PLS1: variants seen among roughly 807,000 people sequenced by gnomAD.
PLS1 encodes plastin-1.
Under a neutral mutation model 73.7 loss-of-function variants are expected in PLS1, and 32 were observed. The observed-to-expected ratio is 0.43, with a 90% CI of 0.33 to 0.58. The LOEUF is 0.58. Ranked by LOEUF, PLS1 falls within the 20% of genes least tolerant of loss-of-function variation. PLS1 has a pLI of 0.04. For missense variants in PLS1, 633 were observed against 740.5 expected (o/e 0.85, Z 1.68); for synonymous variants, 217 against 261.3 (o/e 0.83, Z 1.63).
chr3:142,598,697 C>A (rs553314062), intron 1 of PLS1, among the ~76,000 whole-genome samples: 18 of 152,138 alleles, frequency 1.2e-4, no homozygotes, highest in Non-Finnish European at 2.2e-4. Flanking sequence ...TTCTTTTTAT[C>A]TTAAAAGTAC....
chr3:142,633,918 G>A (rs1456110803), intron 1 of PLS1, among the ~76,000 whole-genome samples: 1 of 152,102 alleles, frequency 6.6e-6, no homozygotes, highest in Non-Finnish European at 1.5e-5. Flanking sequence ...TCAGACAATG[G>A]CATTAAAATG....
rs149288747 is a variant in PLS1, at chr3:142,607,675, T to C, written c.-37+11166T>C. Among the ~76,000 whole-genome samples, 940 of 152,374 alleles carry C rather than the reference T, an allele frequency of 6.2e-3. 4 individuals are homozygous for C. Among genetic ancestry groups the C allele is most frequent in the Non-Finnish European group, 9.4e-3 (639 of 68,040 alleles). On this transcript the variant is annotated intron_variant, in intron 1 of 15. Transcript: ENST00000457734. ...AACTAAAGTCCTTAGCTTATTCATA[T>C]TTCCTTTGTTTTTAGCCAAAATCCC... is the stretch of plus-strand genomic sequence containing the variant.
At chr3:142,615,876 G>A (rs1577777626) in intron 1 of PLS1, among the ~76,000 whole-genome samples, 1 of 152,302 alleles carries the variant, frequency 6.6e-6, no homozygotes, top group South Asian at 2.1e-4. Context: ...CAGACAAGCA[G>A]CATTAGCATT....
intron 6 of PLS1, among the ~76,000 whole-genome samples, chr3:142,680,881 C>G (rs904768416): frequency 6.6e-6 from 1 of 152,186 alleles, no homozygotes; most frequent in Non-Finnish European, 1.5e-5. Context: ...AGCGCCAGAG[C>G]TCATTTCTTA....
At chr3:142,627,927 GGC>G (rs2036465774) in intron 1 of PLS1, 1 of 151,812 alleles carries the variant, frequency 6.6e-6, no homozygotes, top group Admixed American at 6.6e-5. Context: ...CACCATGCTG[GGC>G]CAATCATATT....
intron 1 of PLS1, among the ~76,000 whole-genome samples, chr3:142,646,504 A>G (rs2036955887): frequency 6.6e-6 from 1 of 152,242 alleles, no homozygotes; most frequent in African/African-American, 2.4e-5. Context: ...TGAGTATAGG[A>G]AAAAGTTTCT....
rs1297559056 is a variant in PLS1 at position 142,713,039 on chromosome 3, G to T, written c.*1032G>T. ...AGAAGCCCTATATAATTTAGAATAT[G>T]CCCACTGAATATCTTTAATAGAAAG... On this transcript the variant is annotated 3_prime_UTR_variant, in exon 16 of 16. Transcript: ENST00000457734. The T allele has an allele frequency of 6.6e-6, 1 of 152,464 alleles. No individual in the cohort carries two copies. Among genetic ancestry groups the T allele is most frequent in the Non-Finnish European group, 1.5e-5 (1 of 67,988 alleles). The allele number at this position is 152,464 out of a possible 1,614,324, so 9.4% of individuals were successfully genotyped here. A position where few individuals can be genotyped will look rare whatever the true frequency, so the allele number is the denominator to read the frequency against.
intron 6 of PLS1, among the ~76,000 whole-genome samples, chr3:142,682,118 C>T (rs1193349621): frequency 2.0e-5 from 3 of 152,062 alleles, no homozygotes; most frequent in African/African-American, 7.2e-5. Flanking sequence ...TGGTTTAGGG[C>T]AGGTCTTTCA....
chr3:142,637,787 G>T (rs2036726180), intron 1 of PLS1, among the ~76,000 whole-genome samples: 1 of 152,060 alleles, frequency 6.6e-6, no homozygotes, highest in Non-Finnish European at 1.5e-5. Flanking sequence ...GAAAGTTAAA[G>T]GTTATCCCAG....
intron 1 of PLS1, among the ~76,000 whole-genome samples, chr3:142,642,244 AT>A (rs1218227914): frequency 6.6e-6 from 1 of 151,896 alleles, no homozygotes. Context: ...TATATGGTGA[AT>A]TTTTTTCCAT....
rs571824384 is a variant in PLS1 at position 142,641,279 on chromosome 3, ATATC to A, written c.-36-22919_-36-22916del. Among the ~76,000 whole-genome samples the A allele has an allele frequency of 2.9e-4, 43 of 146,000 alleles. No individual in the cohort carries two copies. In the South Asian group the frequency reaches 8.4e-3, roughly 29 times the overall value. On this transcript the variant is annotated intron_variant, in intron 1 of 15. Coordinates refer to ENST00000457734, the MANE Select transcript of PLS1 (RefSeq NM_001145319.2). ...TCTATATATTATATGTATTATCTAT[ATATC>A]TATATTATATATAGATAAATAATAT...
At position 142,704,635 on chromosome 3, in the gene PLS1, ATTTTTTTTTTTTTTTTTTT is replaced by A. The variant is rs10631186; in HGVS notation, c.1629+61_1629+79del. 40 of 261,988 alleles carry A rather than the reference ATTTTTTTTTTTTTTTTTTT, an allele frequency of 1.5e-4. 1 individual carries two copies. Among genetic ancestry groups the A allele is most frequent in the South Asian group, 3.7e-4 (9 of 24,632 alleles). 16.2% of individuals were successfully genotyped at this position (261,988 alleles called of 1,614,324 possible). On this transcript the variant is annotated intron_variant, in intron 14 of 15. Coordinates refer to ENST00000457734, the MANE Select transcript of PLS1 (RefSeq NM_001145319.2). ...TTTTTTTTTGTAGGTATAGGAAGGAATTTTTTTTTTTTTTTTTTTTTTTTTTTTTTGGAGATGGAGTCTC... is the reference window on the plus strand; with the variant it reads ...TTTTTTTTTGTAGGTATAGGAAGGAATTTTTTTTTTTGGAGATGGAGTCTC...
intron 1 of PLS1, among the ~76,000 whole-genome samples, chr3:142,638,021 T>C (rs968254061): frequency 3.3e-5 from 5 of 152,148 alleles, no homozygotes; most frequent in African/African-American, 1.2e-4. Flanking sequence ...GTGTGTGAGA[T>C]GTGAGTGTAG....
At chr3:142,695,488 C>T (rs751402636) in intron 11 of PLS1, among the ~76,000 whole-genome samples, 1 of 152,082 alleles carries the variant, frequency 6.6e-6, no homozygotes, top group Non-Finnish European at 1.5e-5. Context: ...AGGAGATATA[C>T]GTCAATTAGA....
chr3:142,644,954 G>T (rs1374429005), intron 1 of PLS1, among the ~76,000 whole-genome samples: 1 of 152,120 alleles, frequency 6.6e-6, no homozygotes, highest in Non-Finnish European at 1.5e-5. Context: ...CAAATATCTG[G>T]TTTCCCTAAG....
intron 1 of PLS1, among the ~76,000 whole-genome samples, chr3:142,654,151 A>T (rs985160417): frequency 6.6e-6 from 1 of 152,152 alleles, no homozygotes; most frequent in Non-Finnish European, 1.5e-5. Context: ...GGAGATGACC[A>T]TGGTGGCGGC....
chr3:142,706,304 TG>T (rs2038460723), intron 14 of PLS1, among the ~76,000 whole-genome samples: 1 of 152,132 alleles, frequency 6.6e-6, no homozygotes, highest in Non-Finnish European at 1.5e-5. Flanking sequence ...ACTAATATTA[TG>T]GATGAAAAGT....
intron 1 of PLS1, among the ~76,000 whole-genome samples, chr3:142,612,104 A>G (rs532356033): frequency 6.6e-6 from 1 of 152,232 alleles, no homozygotes; most frequent in Non-Finnish European, 1.5e-5. Flanking sequence ...AGTAAAGATT[A>G]AAAAATTATT....
intron 1 of PLS1, chr3:142,597,253 A>G (rs1278354868): frequency 6.6e-6 from 1 of 152,148 alleles, no homozygotes; most frequent in East Asian, 1.9e-4. Context: ...TGTTGGATAC[A>G]CTTGTATGAG....
Sources: allele counts gnomAD v4.1 joint callset (sites outside exome capture counted in the v4.1 genomes callset), GRCh38; gene constraint gnomAD v4.1.1; transcripts MANE v1.5; gene names NCBI Gene and HGNC (gene_info 2026-07-23, HGNC 2026-07-21).